SCTR: variants seen among roughly 807,000 people sequenced by gnomAD.
SCTR encodes the protein pancreatic secretin receptor.
In SCTR, 56 loss-of-function variants were observed where a neutral mutation model predicts 60.8. The ratio of observed to expected loss-of-function variants is 0.92; its 90% CI spans 0.74 to 1.15. The LOEUF (loss-of-function observed/expected upper bound fraction) is 1.15, where lower values mean the gene tolerates loss of function less well. Among genes scored for constraint, SCTR ranks in the 50% most tolerant of loss-of-function variants. The pLI, the probability that SCTR is intolerant of heterozygous loss-of-function variation, is 0.00. For synonymous variants in SCTR, 202 were observed against 217.0 expected, an observed-to-expected ratio of 0.93 and a Z score of 0.61; for missense variants, 562 against 550.4, an observed-to-expected ratio of 1.02 and a Z score of -0.21.
At chr2:119,473,250 CG>C in intron 4 of SCTR, among the ~76,000 whole-genome samples, 2 of 152,286 alleles carry the variant, frequency 1.3e-5, no homozygotes. Flanking sequence ...CCATCATCTC[CG>C]GGTCGATAGA....
chr2:119,523,094 A>G (rs1198643804), intron 1 of SCTR, among the ~76,000 whole-genome samples: 2 of 152,296 alleles, frequency 1.3e-5, no homozygotes, highest in South Asian at 2.1e-4. Flanking sequence ...AGGGAAGACA[A>G]GGAGGCTGGA....
At position 119,513,287 on chromosome 2, in the gene SCTR, G is replaced by A. The variant is rs187023828; in HGVS notation, c.72+10868C>T. On this transcript the variant is annotated intron_variant, in intron 1 of 12. Transcript: ENST00000019103. ...CTCTGTCTCTTGTTTTGTTCTCTTT[G>A]TATGGGTTTATACCTTTTCTATTCC... 9.9e-4 allele frequency among the ~76,000 whole-genome samples: 150 copies of A among 152,218 alleles called. 1 individual carries two copies. The highest frequency in any genetic ancestry group is 6.8e-3 in the Middle Eastern group (2 of 292).
At chr2:119,466,493 T>G (rs1683840271) in intron 4 of SCTR, among the ~76,000 whole-genome samples, 1 of 152,208 alleles carries the variant, frequency 6.6e-6, no homozygotes, top group African/African-American at 2.4e-5. Flanking sequence ...GGCTCATGCC[T>G]GTAATCCCAG....
intron 6 of SCTR, 48 bp from the exon 7 acceptor site, chr2:119,462,048 C>T (rs1302027741): frequency 6.4e-7 from 1 of 1,556,344 alleles, no homozygotes; most frequent in Non-Finnish European, 8.7e-7. Flanking sequence ...CAGTGGGGTT[C>T]CCTCTGGTGA....
At chr2:119,507,949 C>G (rs1365166699) in intron 1 of SCTR, among the ~76,000 whole-genome samples, 1 of 151,956 alleles carries the variant, frequency 6.6e-6, no homozygotes, top group African/African-American at 2.4e-5. Flanking sequence ...AGTGCTGGCT[C>G]ATTCTCACTC....
rs561009484 is a variant in SCTR, at chr2:119,449,372, G to A, written c.922-592C>T. The stretch of plus-strand genomic sequence containing the variant: ...GATTACTTCCCTTTCCTGATTCACC[G>A]TATTTAGGGATAATATTGCTGTGTA... On this transcript the variant is annotated intron_variant, in intron 9 of 12. Coordinates refer to ENST00000019103, the MANE Select transcript of SCTR (RefSeq NM_002980.3). Among the ~76,000 whole-genome samples the A allele has an allele frequency of 4.3e-4, 66 of 152,272 alleles. 1 individual carries two copies. The highest frequency in any genetic ancestry group is 2.3e-3 in the South Asian group (11 of 4,820).
intron 9 of SCTR, among the ~76,000 whole-genome samples, chr2:119,449,299 G>A (rs1192502655): frequency 2.0e-5 from 3 of 152,220 alleles, no homozygotes; most frequent in Non-Finnish European, 1.5e-5. Context: ...AGCTGCTGGT[G>A]TGAGGACCAG....
At chr2:119,501,581 T>C (rs1314860879) in intron 1 of SCTR, among the ~76,000 whole-genome samples, 1 of 152,158 alleles carries the variant, frequency 6.6e-6, no homozygotes, top group Non-Finnish European at 1.5e-5. Flanking sequence ...GAGATGATAG[T>C]TAGCAATAAT....
At chr2:119,478,197 G>T (rs1378105535) in intron 3 of SCTR, among the ~76,000 whole-genome samples, 1 of 152,214 alleles carries the variant, frequency 6.6e-6, no homozygotes. Flanking sequence ...TGGATCAAGG[G>T]AAAAGTCCTG....
chr2:119,471,324 A>G (rs1001869096), intron 4 of SCTR, among the ~76,000 whole-genome samples: 3 of 152,176 alleles, frequency 2.0e-5, no homozygotes, highest in Admixed American at 2.0e-4. Flanking sequence ...ATATAAGTCG[A>G]TGATAGAACT....
intron 1 of SCTR, among the ~76,000 whole-genome samples, chr2:119,523,349 A>G (rs942083416): frequency 1.3e-5 from 2 of 151,460 alleles, no homozygotes; most frequent in Non-Finnish European, 2.9e-5. Context: ...CGGGACTCCC[A>G]GGAATTTCTG....
Position 119,453,282 on chromosome 2 carries a change from C to G in SCTR, c.851+5G>C. On this transcript the variant is annotated splice_donor_5th_base_variant and intron_variant, in intron 8 of 12. Coordinates refer to ENST00000019103, the MANE Select transcript of SCTR (RefSeq NM_002980.3). ...ATTCTTGTTATCCTCCTTCCGTTAG[C>G]TTACCCAACATCTTCCAGAAAGTGT... 1.2e-6 allele frequency: 2 copies of G among 1,604,088 alleles called. No homozygotes were observed. Among genetic ancestry groups the G allele is most frequent in the Non-Finnish European group, 1.7e-6 (2 of 1,170,890 alleles).
At chr2:119,459,431 T>C in intron 7 of SCTR, among the ~76,000 whole-genome samples, 1 of 152,204 alleles carries the variant, frequency 6.6e-6, no homozygotes, top group African/African-American at 2.4e-5. Flanking sequence ...TAAAAAAATT[T>C]TTTTTACAAG....
intron 2 of SCTR, among the ~76,000 whole-genome samples, 200 bp downstream of exon 2, chr2:119,494,228 G>A (rs1001730949): frequency 1.3e-5 from 2 of 152,192 alleles, no homozygotes; most frequent in Admixed American, 1.3e-4. Flanking sequence ...AAGGAAGAGT[G>A]GTGAGGATCT....
intron 1 of SCTR, among the ~76,000 whole-genome samples, chr2:119,497,974 A>T (rs1678411832): frequency 6.6e-6 from 1 of 152,196 alleles, no homozygotes; most frequent in Non-Finnish European, 1.5e-5. Context: ...TACTCCAAAA[A>T]ATAATGGCTG....
At chr2:119,499,306 T>A (rs753603907) in intron 1 of SCTR, among the ~76,000 whole-genome samples, 1 of 152,008 alleles carries the variant, frequency 6.6e-6, no homozygotes, top group Non-Finnish European at 1.5e-5. Flanking sequence ...CTCTTAACAA[T>A]GGATAGAATA....
intron 1 of SCTR, among the ~76,000 whole-genome samples, chr2:119,522,306 A>C (rs1405407520): frequency 1.3e-5 from 2 of 152,030 alleles, no homozygotes; most frequent in African/African-American, 4.8e-5. Context: ...CAAAAGAAAA[A>C]AAAAAAAGAA....
At chr2:119,512,317 C>G (rs992830379) in intron 1 of SCTR, among the ~76,000 whole-genome samples, 1 of 63,220 alleles carries the variant, frequency 1.6e-5, no homozygotes, top group Non-Finnish European at 2.8e-5. Context: ...TTCCCCTTCC[C>G]CTTCCCCTTC....
At chr2:119,520,994 A>C (rs1210150352) in intron 1 of SCTR, among the ~76,000 whole-genome samples, 1 of 152,222 alleles carries the variant, frequency 6.6e-6, no homozygotes, top group Admixed American at 6.5e-5. Context: ...CTGTTGTCAC[A>C]GCTTTGGAGT....
Sources: allele counts gnomAD v4.1 joint callset (sites outside exome capture counted in the v4.1 genomes callset), GRCh38; gene constraint gnomAD v4.1.1; transcripts MANE v1.5; gene names NCBI Gene and HGNC (gene_info 2026-07-23, HGNC 2026-07-21).